Variants in ADGRG5 observed in about 807,000 individuals in gnomAD.
ADGRG5 encodes the protein G protein-coupled receptor 114.
In ADGRG5, 37 loss-of-function variants were observed where a neutral mutation model predicts 53.2. The ratio of observed to expected loss-of-function variants is 0.70; its 90% CI spans 0.53 to 0.91. ADGRG5 has a LOEUF of 0.91. ADGRG5 is among the 40% of genes least tolerant of loss of function. The pLI, the probability that ADGRG5 is intolerant of heterozygous loss-of-function variation, is 0.00. For missense variants in ADGRG5, 614 were observed against 675.8 expected, an observed-to-expected ratio of 0.91 and a Z score of 1.01; for synonymous variants, 277 against 290.4, an observed-to-expected ratio of 0.95 and a Z score of 0.47.
Position 57,565,151 on chromosome 16 carries a change from G to T in ADGRG5, c.546+1G>T, listed in dbSNP as rs772101294. 1 of 1,598,520 alleles carries T rather than the reference G, an allele frequency of 6.3e-7. No individual in the cohort carries two copies. Among genetic ancestry groups the T allele is most frequent in the African/African-American group, 1.3e-5 (1 of 74,682 alleles). On this transcript the variant is annotated splice_donor_variant, in intron 6 of 11. Coordinates refer to ENST00000349457, the MANE Select transcript of ADGRG5 (RefSeq NM_001304376.3). LOFTEE classifies it high-confidence loss of function. ...CAGCTTCTGGCACAACCAAAGCCTGGTACTGCTGGGGGCGCCCCCGTTTCC... is the reference window on the plus strand; with the variant it reads ...CAGCTTCTGGCACAACCAAAGCCTGTTACTGCTGGGGGCGCCCCCGTTTCC...
chr16:57,538,724 T>C (rs182839154), upstream of ADGRG5, among the ~76,000 whole-genome samples: 1 of 152,278 alleles, frequency 6.6e-6, no homozygotes, highest in African/African-American at 2.4e-5. Flanking sequence ...CAGTCAGGTT[T>C]TTGAGGCGTG....
Position 57,563,961 on chromosome 16 carries a change from C to T in ADGRG5, c.411C>T (p.Ser137=). 6.2e-7 allele frequency: 1 copy of T among 1,613,068 alleles called. No homozygotes were observed. The highest frequency in any genetic ancestry group is 8.5e-7 in the Non-Finnish European group (1 of 1,179,174). ...TGCGGCTCATCTGTATCTACTTCTC[C>T]AACACCCACTTTTTCAAGGTCAGTG... ...RELRLICIYF[S]NTHFFKDENN... is the part of the protein sequence containing the mutation. The change falls in exon 5 of 12, where the codon TCC becomes TCT. Residue 137 remains serine, a synonymous_variant. Coordinates refer to ENST00000349457, the MANE Select transcript of ADGRG5 (RefSeq NM_001304376.3).
chr16:57,563,854 G>A lies in ADGRG5; in HGVS notation c.304G>A (p.Gly102Ser), dbSNP rs755142904. ...TGTTTGCGACCCTCTGCAGGCAGGA[G>A]GTCAGCATGCCCGGGGTCAGCACGC... ...ATLKRVPQAGGQHARGQHAMQ... is the reference protein window; with the variant it reads ...ATLKRVPQAGSQHARGQHAMQ... The change falls in exon 5 of 12, where the codon GGT (glycine) becomes AGT (serine). Residue 102 changes from glycine (G) to serine (S), a missense_variant. Physicochemically the swap from Gly to Ser is moderately conservative, Grantham distance 56. Transcript: ENST00000349457. The A allele has an allele frequency of 3.1e-6, 5 of 1,613,798 alleles. No homozygotes were observed. The East Asian group carries it at 6.7e-5, about 22-fold the overall frequency.
intron 1 of ADGRG5, among the ~76,000 whole-genome samples, chr16:57,550,073 T>A (rs762252073): frequency 1.4e-4 from 22 of 152,166 alleles, no homozygotes; most frequent in Non-Finnish European, 2.9e-4. Flanking sequence ...TCCTCCTGGG[T>A]TGAAGCAATT....
chr16:57,560,552 G>A (rs2032975921), intron 1 of ADGRG5, among the ~76,000 whole-genome samples: 1 of 152,196 alleles, frequency 6.6e-6, no homozygotes, highest in Non-Finnish European at 1.5e-5. Flanking sequence ...AACCCTGGTT[G>A]CTGCAGTCTT....
chr16:57,535,402 C>T, the ADGRG5 span, among the ~76,000 whole-genome samples: 3 of 152,154 alleles, frequency 2.0e-5, no homozygotes, highest in Non-Finnish European at 2.9e-5. Flanking sequence ...TACATATGGA[C>T]CAACTGAGGC....
intron 6 of ADGRG5, chr16:57,565,368 C>T: frequency 1.7e-6 from 1 of 573,820 alleles, no homozygotes; most frequent in Non-Finnish European, 3.1e-6. Flanking sequence ...TTCAAGCCAG[C>T]TTGAGCACAG....
rs1469062284 is a variant in ADGRG5 at position 57,574,697 on chromosome 16, T to TCAGG, written c.1209-115_1209-112dup. ...GTGAGGGGTTTCACTGTGTGTTCAG[T>TCAGG]CAGGCAAGAAACAATAGGGCCTGAG... is the stretch of plus-strand genomic sequence containing the variant. On this transcript the variant is annotated intron_variant, in intron 10 of 11. Transcript: ENST00000349457. This position sits in a 1 kb window ranked among gnomAD's most constrained non-coding sequence, Gnocchi z 4.4. 8.7e-6 allele frequency: 10 copies of TCAGG among 1,143,222 alleles called. No homozygotes were observed. The highest frequency in any genetic ancestry group is 1.2e-5 in the Non-Finnish European group (10 of 829,130). 70.8% of individuals were successfully genotyped at this position (1,143,222 alleles called of 1,614,324 possible).
the ADGRG5 span, among the ~76,000 whole-genome samples, chr16:57,536,073 GC>G: frequency 6.6e-6 from 1 of 152,170 alleles, no homozygotes; most frequent in Admixed American, 6.5e-5. Context: ...CCACCGCATG[GC>G]CCCCATTGGC....
At chr16:57,550,374 A>G (rs1049390870) in intron 1 of ADGRG5, among the ~76,000 whole-genome samples, 4 of 152,164 alleles carry the variant, frequency 2.6e-5, no homozygotes, top group Admixed American at 6.5e-5. Context: ...AGAGTTCTTT[A>G]TGTAGTCCAG....
At chr16:57,563,330 G>A in intron 4 of ADGRG5, 83 bp downstream of exon 4, 1 of 1,240,788 alleles carries the variant, frequency 8.1e-7, no homozygotes, top group East Asian at 2.3e-5. Context: ...ACTTTCTTTA[G>A]GCTCCACTGT....
intron 1 of ADGRG5, among the ~76,000 whole-genome samples, chr16:57,543,950 G>C (rs540829395): frequency 6.6e-6 from 1 of 152,330 alleles, no homozygotes; most frequent in African/African-American, 2.4e-5. Flanking sequence ...GAGACACAGA[G>C]AGGTCAGGTG....
chr16:57,536,011 C>T, the ADGRG5 span, among the ~76,000 whole-genome samples: 1 of 152,204 alleles, frequency 6.6e-6, no homozygotes, highest in African/African-American at 2.4e-5. Flanking sequence ...CACCTAGCGA[C>T]GGGCGGAGGG....
chr16:57,562,093 C>A lies in ADGRG5; in HGVS notation c.-1C>A. On this transcript the variant is annotated 5_prime_UTR_variant, in exon 2 of 12. Coordinates refer to ENST00000349457, the MANE Select transcript of ADGRG5 (RefSeq NM_001304376.3). The stretch of plus-strand genomic sequence containing the variant: ...TTCTTGGAGGAGACTCTGCACAGGG[C>A]ATGGATCACTGTGGTGCCCTTTTCC... 6.3e-7 allele frequency: 1 copy of A among 1,583,836 alleles called. No homozygotes were observed. The highest frequency in any genetic ancestry group is 8.6e-7 in the Non-Finnish European group (1 of 1,160,864).
chr16:57,575,189 T>G (rs2033482142), intron 11 of ADGRG5, 97 bp downstream of exon 11: 1 of 1,364,880 alleles, frequency 7.3e-7, no homozygotes, highest in Non-Finnish European at 1.0e-6. Context: ...AGGGGGCGAG[T>G]GGGGGACTAA....
chr16:57,553,704 A>G (rs1474310697), intron 1 of ADGRG5, among the ~76,000 whole-genome samples: 2 of 152,134 alleles, frequency 1.3e-5, no homozygotes, highest in Non-Finnish European at 2.9e-5. Flanking sequence ...TCAGCTTGTC[A>G]TTTTCTAAAA....
intron 6 of ADGRG5, 43 bp downstream of exon 6, chr16:57,565,193 T>C (rs772156083): frequency 1.0e-5 from 12 of 1,143,094 alleles, no homozygotes; most frequent in Admixed American, 6.9e-5. Flanking sequence ...CCCCTGCCCC[T>C]CTGTGACTCT....
At chr16:57,566,530 C>T (rs2033134448) in intron 6 of ADGRG5, 69 bp from the exon 7 acceptor site, 1 of 1,308,170 alleles carries the variant, frequency 7.6e-7, no homozygotes, top group Non-Finnish European at 1.0e-6. Flanking sequence ...CGTTGGCCCC[C>T]AGGACTCCCA....
At chr16:57,564,921 C>G in intron 5 of ADGRG5, 113 bp from the exon 6 acceptor site, 3 of 685,900 alleles carry the variant, frequency 4.4e-6, no homozygotes, top group Non-Finnish European at 7.9e-6. Context: ...AGCTTTCACG[C>G]TGCACACGTG....
Sources: allele counts gnomAD v4.1 joint callset (sites outside exome capture counted in the v4.1 genomes callset), GRCh38; gene constraint gnomAD v4.1.1; non-coding constraint Gnocchi (gnomAD v3.1); transcripts MANE v1.5; gene names NCBI Gene and HGNC (gene_info 2026-07-23, HGNC 2026-07-21).